MARCHF10: variants seen among roughly 807,000 people sequenced by gnomAD.
MARCHF10 encodes probable E3 ubiquitin-protein ligase MARCHF10.
A neutral mutation model predicts 76.2 loss-of-function variants in MARCHF10; 64 were observed. That is an observed-to-expected ratio of 0.84 (90% CI 0.69 to 1.03). The LOEUF is 1.03. MARCHF10 is among the 50% of genes least tolerant of loss of function. The probability of loss-of-function intolerance (pLI) is 0.00; values close to 1 mark genes in which losing one functional copy is unlikely to be tolerated. For missense variants in MARCHF10, 875 were observed against 958.0 expected (o/e 0.91, Z 1.14); for synonymous variants, 340 against 357.5 (o/e 0.95, Z 0.55).
intron 4 of MARCHF10, among the ~76,000 whole-genome samples, chr17:62,749,033 T>C (rs1227721343): frequency 1.3e-5 from 2 of 152,194 alleles, no homozygotes; most frequent in African/African-American, 4.8e-5. Flanking sequence ...GGGAAGACTT[T>C]GGTTTGCTTT....
rs1321397097 is a variant in MARCHF10, at chr17:62,737,572, A to C, written c.536-240T>G. The C allele has an allele frequency of 2.2e-5, 11 of 510,140 alleles. No homozygotes were observed. The Admixed American group carries it at 2.8e-4, about 13-fold the overall frequency. 31.6% of individuals were successfully genotyped at this position (510,140 alleles called of 1,614,324 possible). A position where few individuals can be genotyped will look rare whatever the true frequency, so the allele number is the denominator to read the frequency against. Reference sequence around the variant, plus strand: ...GGAAATGGGGGGACCCTGAGGATACAGATTCTTTCTGCAGAAGCTCCCGGA... The same window carrying C: ...GGAAATGGGGGGACCCTGAGGATACCGATTCTTTCTGCAGAAGCTCCCGGA... On this transcript the variant is annotated intron_variant, in intron 5 of 10. Transcript: ENST00000311269.
At chr17:62,760,114 C>A in intron 3 of MARCHF10, 108 bp from the exon 4 acceptor site, 7 of 894,508 alleles carry the variant, frequency 7.8e-6, no homozygotes, top group Non-Finnish European at 1.2e-5. Context: ...AGCAATAATC[C>A]TAGAGTCTTC....
At chr17:62,766,804 T>C (rs2092343532) in intron 3 of MARCHF10, among the ~76,000 whole-genome samples, 1 of 152,220 alleles carries the variant, frequency 6.6e-6, no homozygotes, top group African/African-American at 2.4e-5. Flanking sequence ...AACACCGTGC[T>C]AGGCTCTGTG....
intron 6 of MARCHF10, among the ~76,000 whole-genome samples, chr17:62,732,642 C>G (rs867397034): frequency 2.6e-5 from 4 of 151,992 alleles, no homozygotes; most frequent in African/African-American, 9.7e-5. Context: ...AATAGCATAA[C>G]GATATCAGGT....
At chr17:62,725,207 TACTC>T in intron 6 of MARCHF10, 103 bp from the exon 7 acceptor site, 2 of 1,049,332 alleles carry the variant, frequency 1.9e-6, no homozygotes, top group South Asian at 3.7e-5. Context: ...GGGCTCCTGG[TACTC>T]ACCCGCTGCC....
intron 2 of MARCHF10, among the ~76,000 whole-genome samples, chr17:62,789,940 TTAA>T (rs777876690): frequency 2.0e-4 from 30 of 151,838 alleles, no homozygotes; most frequent in Non-Finnish European, 4.1e-4. Context: ...TCTCAAAAAA[TTAA>T]TAATAATAAT....
Position 62,736,904 on chromosome 17 carries a change from TC to T in MARCHF10, c.963del (p.Thr322HisfsTer33). 1.9e-6 allele frequency: 3 copies of T among 1,613,754 alleles called. No individual in the cohort carries two copies. The highest frequency in any genetic ancestry group is 2.5e-6 in the Non-Finnish European group (3 of 1,179,926). ...PSHHKRSRFGGTSTPQAKNKN... is the reference protein window; with the variant it reads ...PSHHKRSRFGXTSTPQAKNKN... ...TTATTTTTGGCCTGAGGGGTCGATG[TC>T]CCCCCAAATCTACTTCTTTTGTGAT... On this transcript the variant is annotated frameshift_variant, in exon 6 of 11. Transcript: ENST00000311269. LOFTEE classifies it high-confidence loss of function.
intron 3 of MARCHF10, among the ~76,000 whole-genome samples, chr17:62,787,139 G>T (rs940853777): frequency 6.6e-6 from 1 of 152,062 alleles, no homozygotes; most frequent in African/African-American, 2.4e-5. Context: ...CGTGTTCTTG[G>T]TGCTGCCAAT....
intron 5 of MARCHF10, chr17:62,737,671 A>G (rs997407360): frequency 4.2e-6 from 1 of 237,832 alleles, no homozygotes. Context: ...TTTGTTCCAT[A>G]CGTACTGAAA....
intron 10 of MARCHF10, among the ~76,000 whole-genome samples, chr17:62,703,780 C>T (rs1434232258): frequency 6.6e-6 from 1 of 152,226 alleles, no homozygotes; most frequent in Non-Finnish European, 1.5e-5. Context: ...TCCCTGCCTC[C>T]CGTGGCGACT....
At chr17:62,714,996 C>G (rs986353129) in intron 8 of MARCHF10, among the ~76,000 whole-genome samples, 1 of 152,200 alleles carries the variant, frequency 6.6e-6, no homozygotes, top group Non-Finnish European at 1.5e-5. Flanking sequence ...ATCCACCCAC[C>G]TCGGCCTTTC....
chr17:62,701,685 C>T lies in MARCHF10; in HGVS notation c.*18G>A, dbSNP rs775528889. The T allele has an allele frequency of 1.2e-6, 2 of 1,613,964 alleles. No homozygotes were observed. Among genetic ancestry groups the T allele is most frequent in the Non-Finnish European group, 1.7e-6 (2 of 1,180,006 alleles). ...TGGCGGGAGAGGTCTCCGCCGAGCT[C>T]CACAGTTGGCTTCCTTGCTAGACGA... On this transcript the variant is annotated 3_prime_UTR_variant, in exon 11 of 11. Transcript: ENST00000311269.
chr17:62,725,416 A>G (rs1054920715), intron 6 of MARCHF10, among the ~76,000 whole-genome samples: 3 of 152,024 alleles, frequency 2.0e-5, no homozygotes, highest in African/African-American at 7.2e-5. Context: ...GGTGCATGCC[A>G]CCACACCTGG....
At chr17:62,733,372 G>T (rs1488281218) in intron 6 of MARCHF10, among the ~76,000 whole-genome samples, 1 of 152,174 alleles carries the variant, frequency 6.6e-6, no homozygotes, top group Non-Finnish European at 1.5e-5. Context: ...CATATAAAAT[G>T]CCTAACTTCA....
intron 4 of MARCHF10, among the ~76,000 whole-genome samples, chr17:62,752,065 G>A (rs533685894): frequency 5.3e-5 from 8 of 151,670 alleles, no homozygotes; most frequent in African/African-American, 1.7e-4. Context: ...ATTACCTATC[G>A]TGGAGGGGTC....
chr17:62,787,555 G>A (rs1446659785), intron 3 of MARCHF10, among the ~76,000 whole-genome samples: 1 of 152,146 alleles, frequency 6.6e-6, no homozygotes, highest in Non-Finnish European at 1.5e-5. Flanking sequence ...CTTACATAGG[G>A]TAAGTTAAAT....
At chr17:62,752,440 G>A (rs1160108080) in intron 4 of MARCHF10, among the ~76,000 whole-genome samples, 1 of 152,144 alleles carries the variant, frequency 6.6e-6, no homozygotes, top group Non-Finnish European at 1.5e-5. Context: ...AGGCAACACC[G>A]CAAAAGGGGA....
At chr17:62,793,863 G>A (rs1316447601) in intron 2 of MARCHF10, among the ~76,000 whole-genome samples, 13 of 70,574 alleles carry the variant, frequency 1.8e-4, no homozygotes, top group East Asian at 4.7e-4. Context: ...CCACTACCAC[G>A]TCCATCAACC....
At chr17:62,776,387 C>T (rs1224228085) in intron 3 of MARCHF10, among the ~76,000 whole-genome samples, 1 of 152,274 alleles carries the variant, frequency 6.6e-6, no homozygotes, top group Non-Finnish European at 1.5e-5. Context: ...CGTGCAAGGA[C>T]GAGGCTGTCT....
Sources: allele counts gnomAD v4.1 joint callset (sites outside exome capture counted in the v4.1 genomes callset), GRCh38; gene constraint gnomAD v4.1.1; transcripts MANE v1.5; gene names NCBI Gene and HGNC (gene_info 2026-07-23, HGNC 2026-07-21).